MTUS2: variants seen among roughly 807,000 people sequenced by gnomAD.
MTUS2 encodes microtubule associated scaffold protein 2.
A neutral mutation model predicts 114.1 loss-of-function variants in MTUS2; 40 were observed. That is an observed-to-expected ratio of 0.35 (90% CI 0.27 to 0.46). MTUS2 has a LOEUF of 0.46. MTUS2 is among the 20% of genes least tolerant of loss of function. The pLI is 1.00. For missense variants in MTUS2, 1,679 were observed against 1,705.4 expected (o/e 0.98, Z 0.27); for synonymous variants, 688 against 672.0 (o/e 1.02, Z -0.37).
chr13:28,914,533 A>G (rs994489429), intron 2 of MTUS2, among the ~76,000 whole-genome samples: 1 of 151,492 alleles, frequency 6.6e-6, no homozygotes, highest in African/African-American at 2.4e-5. Context: ...TTTTAGAGCA[A>G]ATGTGGCAAT....
intron 5 of MTUS2, among the ~76,000 whole-genome samples, chr13:29,260,892 C>T (rs958557043): frequency 1.3e-5 from 2 of 152,088 alleles, no homozygotes; most frequent in East Asian, 3.9e-4. Context: ...TGGGTAGAGG[C>T]CGGGGTTGCT....
chr13:29,451,820 C>T (rs1015144611), intron 9 of MTUS2, among the ~76,000 whole-genome samples: 1 of 152,050 alleles, frequency 6.6e-6, no homozygotes, highest in Non-Finnish European at 1.5e-5. Flanking sequence ...AACTCCTGAC[C>T]TCAGGTGATC....
At chr13:29,182,011 C>T (rs1894026803) in intron 5 of MTUS2, among the ~76,000 whole-genome samples, 1 of 152,138 alleles carries the variant, frequency 6.6e-6, no homozygotes, top group Non-Finnish European at 1.5e-5. Flanking sequence ...TCTCAGCCTC[C>T]TTTTGCCCCT....
intron 8 of MTUS2, among the ~76,000 whole-genome samples, chr13:29,389,396 TA>T (rs1872960709): frequency 2.5e-4 from 5 of 20,052 alleles, no homozygotes; most frequent in Non-Finnish European, 5.4e-4. Flanking sequence ...CACGTGTGTG[TA>T]TATATGTATA....
intron 5 of MTUS2, among the ~76,000 whole-genome samples, chr13:29,112,528 A>G (rs1348017556): frequency 6.6e-6 from 1 of 152,194 alleles, no homozygotes; most frequent in Non-Finnish European, 1.5e-5. Flanking sequence ...GAGAGTGTCT[A>G]CTACTGTTGA....
At chr13:29,403,917 A>G (rs1363924253) in intron 8 of MTUS2, among the ~76,000 whole-genome samples, 2 of 151,572 alleles carry the variant, frequency 1.3e-5, no homozygotes, top group Admixed American at 6.6e-5. Flanking sequence ...TTGTATACCT[A>G]TATATATATT....
intron 14 of MTUS2, 57 bp downstream of exon 14, chr13:29,498,594 CTG>C: frequency 6.2e-7 from 1 of 1,603,158 alleles, no homozygotes. Flanking sequence ...GCTGTCATCA[CTG>C]ATGTCATCGT....
rs143635146 is a variant in MTUS2, at chr13:29,160,580, C to T, written c.2644+59610C>T. On this transcript the variant is annotated intron_variant, in intron 5 of 15. Coordinates refer to ENST00000612955, the MANE Select transcript of MTUS2 (RefSeq NM_001033602.4). The stretch of plus-strand genomic sequence containing the variant: ...GGTCAGGAGATCGAGACCATCCTGG[C>T]TAACATGGCAAAACCCTGTCTTTAC... Among the ~76,000 whole-genome samples the T allele has an allele frequency of 8.4e-4, 128 of 152,192 alleles. 1 individual carries two copies. The highest frequency in any genetic ancestry group is 3.0e-3 in the African/African-American group (123 of 41,540).
At position 29,503,866 on chromosome 13, in the gene MTUS2, CATG is replaced by C. The variant is rs941954630; in HGVS notation, c.*664_*666del. Reference sequence around the variant, plus strand: ...TTGGAACAATCAGCTTCTCAGTCAACATGATGTGAGATCACTATTATTCCATTC... The same window carrying C: ...TTGGAACAATCAGCTTCTCAGTCAACATGTGAGATCACTATTATTCCATTC... On this transcript the variant is annotated 3_prime_UTR_variant, in exon 16 of 16. Transcript: ENST00000612955. 3 of 233,846 alleles carry C rather than the reference CATG, an allele frequency of 1.3e-5. No individual in the cohort carries two copies. The highest frequency in any genetic ancestry group is 6.6e-5 in the African/African-American group (3 of 45,142). The allele number at this position is 233,846 out of a possible 1,614,324, so 14.5% of individuals were successfully genotyped here. A position where few individuals can be genotyped will look rare whatever the true frequency, so the allele number is the denominator to read the frequency against.
In MTUS2 at chr13:28,822,058, G is replaced by A. The variant is rs1461237377; in HGVS notation, c.-316+1447G>A. ...CATTTATGTTTACACGGTAAAGTAA[G>A]TCATAGGAAAGATTATTTTCCATAT... On this transcript the variant is annotated intron_variant, in intron 1 of 15. Transcript: ENST00000612955. 2.0e-5 allele frequency among the ~76,000 whole-genome samples: 3 copies of A among 152,354 alleles called. No homozygotes were observed. In the East Asian group the frequency reaches 5.8e-4, roughly 29 times the overall value.
chr13:29,476,301 C>G (rs972023004), intron 9 of MTUS2, among the ~76,000 whole-genome samples: 1 of 152,072 alleles, frequency 6.6e-6, no homozygotes, highest in African/African-American at 2.4e-5. Context: ...CAATGCATGA[C>G]TGGATATCCA....
At chr13:28,860,587 G>T (rs1876911983) in intron 2 of MTUS2, among the ~76,000 whole-genome samples, 1 of 152,196 alleles carries the variant, frequency 6.6e-6, no homozygotes, top group South Asian at 2.1e-4. Context: ...GCCACATGCT[G>T]CATGTCAGCC....
intron 8 of MTUS2, among the ~76,000 whole-genome samples, chr13:29,374,160 AAG>A (rs34130810): frequency 0.2 from 30,901 of 152,128 alleles, 3,216 homozygotes; most frequent in Middle Eastern, 0.24. Context: ...GAACAACAGA[AAG>A]AAAATAATTT....
At position 28,925,521 on chromosome 13, in the gene MTUS2, A is replaced by G. The variant is rs573707981; in HGVS notation, c.-243+85671A>G. 7.2e-5 allele frequency among the ~76,000 whole-genome samples: 11 copies of G among 152,332 alleles called. No homozygotes were observed. The South Asian group carries it at 2.3e-3, about 32-fold the overall frequency. ...ACTAAATTTCTAGTACTATCTTTTG[A>G]AAATCTTAAGTGCCATTTGATTGAC... On this transcript the variant is annotated intron_variant, in intron 2 of 15. Coordinates refer to ENST00000612955, the MANE Select transcript of MTUS2 (RefSeq NM_001033602.4).
At chr13:29,426,397 G>A (rs1876529959) in intron 8 of MTUS2, among the ~76,000 whole-genome samples, 1 of 152,140 alleles carries the variant, frequency 6.6e-6, no homozygotes, top group African/African-American at 2.4e-5. Flanking sequence ...AATGTGTTAC[G>A]CCATCGTAAA....
At chr13:29,206,821 T>C (rs1566066084) in intron 5 of MTUS2, among the ~76,000 whole-genome samples, 1 of 152,194 alleles carries the variant, frequency 6.6e-6, no homozygotes, top group African/African-American at 2.4e-5. Context: ...CCTTATAGTA[T>C]AGTTTGAAGT....
In MTUS2 at chr13:29,389,545, A is replaced by ACACATATGTGTGTATG. The variant is rs1873053793; in HGVS notation, c.3117+30072_3117+30073insCACATATGTGTGTATG. Reference sequence around the variant, plus strand: ...TGTATATATGTATACACGTGTGTATATGTATACACGTGTGTATATGTGTAC... The same window carrying ACACATATGTGTGTATG: ...TGTATATATGTATACACGTGTGTATACACATATGTGTGTATGTGTATACACGTGTGTATATGTGTAC... On this transcript the variant is annotated intron_variant, in intron 8 of 15. Transcript: ENST00000612955. 3.7e-5 allele frequency among the ~76,000 whole-genome samples: 4 copies of ACACATATGTGTGTATG among 107,102 alleles called. 2 individuals carry two copies. The highest frequency in any genetic ancestry group is 3.5e-4 in the Admixed American group (4 of 11,582). 70.3% of individuals were successfully genotyped at this position (107,102 alleles called of 152,430 possible).
At chr13:29,465,684 C>T (rs1879838092) in intron 9 of MTUS2, among the ~76,000 whole-genome samples, 1 of 152,158 alleles carries the variant, frequency 6.6e-6, no homozygotes, top group Non-Finnish European at 1.5e-5. Flanking sequence ...CAAAACTCCT[C>T]AGTCCCTGCT....
chr13:28,894,898 A>G (rs1879173166), intron 2 of MTUS2, among the ~76,000 whole-genome samples: 1 of 152,226 alleles, frequency 6.6e-6, no homozygotes. Context: ...TCTTGGATGT[A>G]TAGTCAGATT....
Sources: gnomAD v4.1 joint callset for allele counts (sites outside exome capture counted in the v4.1 genomes callset) on GRCh38, gnomAD v4.1.1 for gene constraint, MANE v1.5 for transcripts, NCBI Gene and HGNC (gene_info 2026-07-23, HGNC 2026-07-21) for gene names.